The following FUS variants were observed in gnomAD, a reference collection of about 807,000 sequenced individuals.
FUS encodes FUS RNA binding protein.
A neutral mutation model predicts 82.7 loss-of-function variants in FUS; 5 were observed. The observed-to-expected ratio is 0.06, with a 90% confidence interval of 0.03 to 0.13. The LOEUF (loss-of-function observed/expected upper bound fraction) is 0.13, where lower values mean the gene tolerates loss of function less well. FUS is among the 10% of genes least tolerant of loss of function. The probability of loss-of-function intolerance (pLI) is 1.00; values close to 1 mark genes in which losing one functional copy is unlikely to be tolerated. For synonymous variants in FUS, 281 were observed against 247.4 expected, an observed-to-expected ratio of 1.14 and a Z score of -1.27; for missense variants, 512 against 707.8, an observed-to-expected ratio of 0.72 and a Z score of 3.14.
intron 12 of FUS, 143 bp from the exon 13 acceptor site, chr16:31,190,599 C>G: frequency 1.7e-6 from 2 of 1,162,504 alleles, no homozygotes; most frequent in Admixed American, 3.5e-5. Context: ...GATTTTTGTT[C>G]CTGACTCTGA....
chr16:31,180,435 C>T (rs895336921), intron 1 of FUS, among the ~76,000 whole-genome samples: 20 of 150,514 alleles, frequency 1.3e-4, no homozygotes, highest in Admixed American at 4.6e-4. Flanking sequence ...GGCGGGAAGT[C>T]TTTTCTTTGC....
At chr16:31,190,939 T>A in intron 13 of FUS, 24 bp from the exon 14 acceptor site, 2 of 1,611,272 alleles carry the variant, frequency 1.2e-6, no homozygotes, top group Non-Finnish European at 1.7e-6. Flanking sequence ...GGGAATATGA[T>A]AGATCTTGTT....
intron 7 of FUS, chr16:31,187,286 G>A (rs553850151): frequency 3.5e-6 from 1 of 285,528 alleles, no homozygotes; most frequent in Non-Finnish European, 6.8e-6. Flanking sequence ...ATTGCCCTGA[G>A]GATGGTGAAG....
At chr16:31,187,876 C>T in intron 7 of FUS, 1 of 248,690 alleles carries the variant, frequency 4.0e-6, no homozygotes, top group Non-Finnish European at 7.9e-6. Context: ...AAAATTGTTC[C>T]ACAAGGGTTA....
rs1319350870 is a variant in FUS at position 31,190,733 on chromosome 16, T to C, written c.1293-9T>C. On this transcript the variant is annotated splice_polypyrimidine_tract_variant and intron_variant, in intron 12 of 14. Transcript: ENST00000254108. ...TCGCTCCAGACTGATTGTCTTCCTT[T>C]CTCCTTAGCACCTGTGAGAATATGA... The C allele has an allele frequency of 6.2e-7, 1 of 1,613,038 alleles. No individual in the cohort carries two copies. The highest frequency in any genetic ancestry group is 8.5e-7 in the Non-Finnish European group (1 of 1,178,976).
At chr16:31,184,892 A>G in intron 5 of FUS, 47 bp from the exon 6 acceptor site, 1 of 1,589,994 alleles carries the variant, frequency 6.3e-7, no homozygotes. Flanking sequence ...GTGCTACTTT[A>G]CAATCTTTTT....
downstream of FUS, chr16:31,193,632 G>A (rs1567482441): frequency 1.9e-6 from 1 of 529,584 alleles, no homozygotes; most frequent in Non-Finnish European, 3.7e-6. Flanking sequence ...AAAGGAAATA[G>A]GGTCCCAGGT....
chr16:31,190,412 A>G lies in FUS; in HGVS notation c.1292+14A>G, dbSNP rs1216771015. 6.2e-7 allele frequency: 1 copy of G among 1,614,028 alleles called. No homozygotes were observed. Among genetic ancestry groups the G allele is most frequent in the South Asian group, 1.1e-5 (1 of 91,066 alleles). ...GTGTCCTAATCCGTGAGTGAAACTT[A>G]ATTTTTTTCTTAGTTCTCTTGCATG... On this transcript the variant is annotated intron_variant, in intron 12 of 14. Transcript: ENST00000254108.
At chr16:31,194,232 G>C (rs17839571), downstream of FUS, 7,356 of 531,266 alleles carry the variant, frequency 0.014, 295 homozygotes, top group African/African-American at 0.097. Flanking sequence ...TCCAGCCCAT[G>C]TGAGACTTGA....
At chr16:31,188,404 A>C (rs376483474) in intron 8 of FUS, 47 bp downstream of exon 8, 378 of 1,592,240 alleles carry the variant, frequency 2.4e-4, no homozygotes, top group Admixed American at 4.3e-4. Context: ...AAGTGGTATC[A>C]AGACTGCCTG....
At chr16:31,194,069 A>AG, downstream of FUS, 2 of 534,212 alleles carry the variant, frequency 3.7e-6, no homozygotes, top group Non-Finnish European at 7.2e-6. Context: ...GCTGTGCTGT[A>AG]GGTCTGTTTG....
At chr16:31,181,499 G>C (rs144713511) in intron 1 of FUS, among the ~76,000 whole-genome samples, 1 of 152,308 alleles carries the variant, frequency 6.6e-6, no homozygotes, top group Non-Finnish European at 1.5e-5. Context: ...GCGAGCAGTT[G>C]CATGATCTCT....
At chr16:31,186,145 T>C (rs910878046) in intron 6 of FUS, 9 of 240,710 alleles carry the variant, frequency 3.7e-5, no homozygotes, top group East Asian at 1.8e-4. Context: ...ACAACTGTTA[T>C]GTGACTGTTA....
intron 1 of FUS, 26 bp from the exon 2 acceptor site, chr16:31,182,366 GAAGATA>G (rs1302597761): frequency 6.2e-7 from 1 of 1,613,304 alleles, no homozygotes; most frequent in African/African-American, 1.3e-5. Flanking sequence ...AGTGGCAGCT[GAAGATA>G]ATGTGATTGT....
chr16:31,184,601 G>A (rs1358631809), intron 5 of FUS, among the ~76,000 whole-genome samples: 1 of 151,912 alleles, frequency 6.6e-6, no homozygotes, highest in Non-Finnish European at 1.5e-5. Context: ...CCGCCACCAC[G>A]CCCGGCTAAT....
At chr16:31,187,141 A>G (rs538913233) in intron 7 of FUS, 8 of 499,438 alleles carry the variant, frequency 1.6e-5, no homozygotes, top group Non-Finnish European at 2.9e-5. Context: ...ATCATGAGAA[A>G]CTGGAGAGTG....
downstream of FUS, chr16:31,191,725 G>A (rs1353563939): frequency 1.5e-6 from 1 of 659,582 alleles, no homozygotes; most frequent in Non-Finnish European, 2.8e-6. Flanking sequence ...TGTTCGGGGA[G>A]AAGGCCAAAT....
intron 8 of FUS, 133 bp from the exon 9 acceptor site, chr16:31,188,990 G>A (rs2079312927): frequency 2.7e-6 from 2 of 737,848 alleles, no homozygotes; most frequent in Non-Finnish European, 4.9e-6. Context: ...CAAAAGGGAT[G>A]TGGATTTCTT....
In FUS at chr16:31,190,363, A is replaced by G. The variant is rs1405307150; in HGVS notation, c.1257A>G (p.Gly419=). 1.9e-6 allele frequency: 3 copies of G among 1,614,080 alleles called. No individual in the cohort carries two copies. Among genetic ancestry groups the G allele is most frequent in the South Asian group, 2.2e-5 (2 of 91,086 alleles). The change falls in exon 12 of 15, where the codon GGA becomes GGG. Residue 419 remains glycine (G), a synonymous_variant. Transcript: ENST00000254108. ...GFPSGGGGGG[G]QQRAGDWKCP... is the part of the protein sequence containing the mutation. Reference sequence around the variant, plus strand: ...CCAGTGGAGGTGGTGGCGGTGGAGGACAGCAGCGAGCTGGTGACTGGAAGT... The same window carrying G: ...CCAGTGGAGGTGGTGGCGGTGGAGGGCAGCAGCGAGCTGGTGACTGGAAGT...
Sources: allele counts gnomAD v4.1 joint callset (sites outside exome capture counted in the v4.1 genomes callset), GRCh38; gene constraint gnomAD v4.1.1; transcripts MANE v1.5; gene names NCBI Gene and HGNC (gene_info 2026-07-23, HGNC 2026-07-21).